The following CHCHD3 variants were observed in gnomAD, a reference collection of about 807,000 sequenced individuals.
The protein encoded by CHCHD3 is coiled-coil-helix-coiled-coil-helix domain containing 3.
CHCHD3 carries 20 observed loss-of-function variants against 38.2 expected under a neutral mutation model. That is an observed-to-expected ratio of 0.52 (90% CI 0.37 to 0.76). CHCHD3 has a LOEUF of 0.76. Ranked by LOEUF, CHCHD3 falls within the 30% of genes least tolerant of loss-of-function variation. The pLI, the probability that CHCHD3 is intolerant of heterozygous loss-of-function variation, is 0.00. For synonymous variants in CHCHD3, 82 were observed against 100.0 expected, an observed-to-expected ratio of 0.82 and a Z score of 1.07; for missense variants, 245 against 279.2, an observed-to-expected ratio of 0.88 and a Z score of 0.87.
intron 6 of CHCHD3, among the ~76,000 whole-genome samples, chr7:132,812,445 G>T (rs1300620496): frequency 6.6e-6 from 1 of 152,022 alleles, no homozygotes; most frequent in Non-Finnish European, 1.5e-5. Context: ...TTGACCTCAA[G>T]TGATCTACCC....
At chr7:132,988,317 C>CA (rs66497050) in intron 3 of CHCHD3, among the ~76,000 whole-genome samples, 52,794 of 150,874 alleles carry the variant, frequency 0.35, 10,047 homozygotes, top group Non-Finnish European at 0.44. Context: ...ACACACACAC[C>CA]CACACAAATA....
chr7:132,969,244 C>T (rs747454626), intron 4 of CHCHD3, among the ~76,000 whole-genome samples: 27 of 151,058 alleles, frequency 1.8e-4, no homozygotes, highest in Non-Finnish European at 3.1e-4. Flanking sequence ...GCAAGAATAA[C>T]CTTCCCCACA....
intron 5 of CHCHD3, among the ~76,000 whole-genome samples, chr7:132,847,830 A>G (rs1453645342): frequency 3.9e-5 from 6 of 152,316 alleles, no homozygotes; most frequent in Non-Finnish European, 8.8e-5. Context: ...AAAAAGAACA[A>G]ATCAAAGAGG....
intron 4 of CHCHD3, among the ~76,000 whole-genome samples, chr7:132,914,639 T>C (rs980506346): frequency 6.6e-6 from 1 of 152,176 alleles, no homozygotes; most frequent in African/African-American, 2.4e-5. Context: ...AGCCTTCAAA[T>C]GTTCTCAAGC....
chr7:132,939,924 ATTCTTTTGAGT>A (rs1810723848), intron 4 of CHCHD3, among the ~76,000 whole-genome samples: 1 of 152,218 alleles, frequency 6.6e-6, no homozygotes, highest in Admixed American at 6.5e-5. Context: ...CTACGGACAT[ATTCTTTTGAGT>A]AAATCTGTTA....
Position 132,982,294 on chromosome 7 carries a change from C to A in CHCHD3, c.252-7008G>T, listed in dbSNP as rs952718312. Reference sequence around the variant, plus strand: ...ACATGAATATGGCATCTTAATTTTTCTTTTTTTTGAGACGGAGTCTCACTC... The same window carrying A: ...ACATGAATATGGCATCTTAATTTTTATTTTTTTTGAGACGGAGTCTCACTC... On this transcript the variant is annotated intron_variant, in intron 3 of 7. Transcript: ENST00000262570. 7.2e-5 allele frequency among the ~76,000 whole-genome samples: 11 copies of A among 151,870 alleles called. No homozygotes were observed. In the South Asian group the frequency reaches 2.1e-3, roughly 29 times the overall value.
At chr7:132,828,741 G>T (rs1807569166) in intron 6 of CHCHD3, among the ~76,000 whole-genome samples, 1 of 152,120 alleles carries the variant, frequency 6.6e-6, no homozygotes, top group South Asian at 2.1e-4. Context: ...ACCAGGGAAG[G>T]GCTGATAGCA....
In CHCHD3 at chr7:133,035,589, C is replaced by T; in HGVS notation, c.170-10962G>A. 2 of 1,613,286 alleles carry T rather than the reference C, an allele frequency of 1.2e-6. No homozygotes were observed. The highest frequency in any genetic ancestry group is 1.7e-5 in the Admixed American group (1 of 59,974). ...GCCCAAGGTGGGGAACACCCAGGTA[C>T]TGGCTGGGGGCACTATATCGGAATC... On this transcript the variant is annotated intron_variant, in intron 2 of 7. Coordinates refer to ENST00000262570, the MANE Select transcript of CHCHD3 (RefSeq NM_017812.4). The surrounding 1 kb of genome is among the most constrained non-coding windows in gnomAD (Gnocchi z 4.7).
intron 3 of CHCHD3, among the ~76,000 whole-genome samples, chr7:133,020,642 G>A (rs987020611): frequency 6.6e-6 from 1 of 152,078 alleles, no homozygotes; most frequent in Non-Finnish European, 1.5e-5. Context: ...TCTGCCAGGC[G>A]GCAGTCCTGC....
intron 3 of CHCHD3, among the ~76,000 whole-genome samples, chr7:132,981,882 AG>A (rs1811926364): frequency 6.6e-6 from 1 of 152,246 alleles, no homozygotes. Context: ...CGTTATACAT[AG>A]GCAATATATA....
At chr7:132,894,788 A>C (rs369350831) in intron 4 of CHCHD3, among the ~76,000 whole-genome samples, 250 of 152,370 alleles carry the variant, frequency 1.6e-3, no homozygotes, top group African/African-American at 5.7e-3. Flanking sequence ...ATTTAGTTCA[A>C]ACTACCACAT....
intron 4 of CHCHD3, among the ~76,000 whole-genome samples, chr7:132,921,403 C>G (rs746351852): frequency 5.3e-5 from 8 of 152,082 alleles, no homozygotes; most frequent in African/African-American, 1.9e-4. Context: ...ATTCCAAGTA[C>G]TGGGACAAGT....
At chr7:132,929,956 G>A (rs1167249949) in intron 4 of CHCHD3, among the ~76,000 whole-genome samples, 4 of 152,120 alleles carry the variant, frequency 2.6e-5, no homozygotes, top group African/African-American at 9.7e-5. Context: ...GATTTACTCT[G>A]TGAGAAACTA....
At chr7:133,049,881 A>G (rs1562948597) in intron 2 of CHCHD3, among the ~76,000 whole-genome samples, 1 of 152,246 alleles carries the variant, frequency 6.6e-6, no homozygotes, top group African/African-American at 2.4e-5. Flanking sequence ...CTCCTTGGTC[A>G]AAGTCCTTTT....
At chr7:132,947,944 A>G (rs1224893688) in intron 4 of CHCHD3, among the ~76,000 whole-genome samples, 1 of 152,106 alleles carries the variant, frequency 6.6e-6, no homozygotes, top group Non-Finnish European at 1.5e-5. Flanking sequence ...TCAACATAAA[A>G]TAAAAGTGTG....
chr7:132,928,937 C>G (rs1810449856), intron 4 of CHCHD3, among the ~76,000 whole-genome samples: 1 of 152,050 alleles, frequency 6.6e-6, no homozygotes, highest in African/African-American at 2.4e-5. Flanking sequence ...GATTTTGCTC[C>G]ATCAACTTAT....
chr7:132,959,057 G>C (rs1390028424), intron 4 of CHCHD3, among the ~76,000 whole-genome samples: 2 of 152,184 alleles, frequency 1.3e-5, no homozygotes, highest in South Asian at 4.1e-4. Context: ...GAGAGAGAGG[G>C]AAATTAAGAA....
intron 2 of CHCHD3, among the ~76,000 whole-genome samples, chr7:133,027,498 A>C (rs1361452451): frequency 6.6e-6 from 1 of 152,046 alleles, no homozygotes; most frequent in African/African-American, 2.4e-5. Flanking sequence ...CTATACAGGG[A>C]ATCAGGGAAT....
chr7:133,035,990 G>A lies in CHCHD3; in HGVS notation c.170-11363C>T. On this transcript the variant is annotated intron_variant, in intron 2 of 7. Transcript: ENST00000262570. The surrounding 1 kb of genome is among the most constrained non-coding windows in gnomAD (Gnocchi z 4.7). The stretch of plus-strand genomic sequence containing the variant: ...TCAGGTAGGGGTCCTTAGGGGAACT[G>A]TTTTAATGAAACTAGTAATTAGAAT... 9.7e-7 allele frequency: 1 copy of A among 1,030,902 alleles called. No homozygotes were observed. The highest frequency in any genetic ancestry group is 1.4e-5 in the South Asian group (1 of 73,918). 63.9% of individuals were successfully genotyped at this position (1,030,902 alleles called of 1,614,324 possible). A position where few individuals can be genotyped will look rare whatever the true frequency, so the allele number is the denominator to read the frequency against.
Sources: gnomAD v4.1 joint callset for allele counts (sites outside exome capture counted in the v4.1 genomes callset) on GRCh38, gnomAD v4.1.1 for gene constraint, Gnocchi (gnomAD v3.1) non-coding constraint, MANE v1.5 for transcripts, NCBI Gene and HGNC (gene_info 2026-07-23, HGNC 2026-07-21) for gene names.